CTNNA2: variants seen among roughly 807,000 people sequenced by gnomAD.
CTNNA2 encodes the protein catenin alpha-2.
CTNNA2 carries 42 observed loss-of-function variants against 101.0 expected under a neutral mutation model. That is an observed-to-expected ratio of 0.42 (90% CI 0.32 to 0.54). The LOEUF (loss-of-function observed/expected upper bound fraction) is 0.54. CTNNA2 is among the 20% of genes least tolerant of loss of function. CTNNA2 has a pLI of 0.14. For synonymous variants in CTNNA2, 450 were observed against 456.4 expected, an observed-to-expected ratio of 0.99 and a Z score of 0.18; for missense variants, 871 against 1,223.1, an observed-to-expected ratio of 0.71 and a Z score of 4.29.
chr2:79,659,488 G>T (rs1681860939), intron 2 of CTNNA2, among the ~76,000 whole-genome samples: 1 of 152,134 alleles, frequency 6.6e-6, no homozygotes, highest in Non-Finnish European at 1.5e-5. Context: ...AATTGAAATT[G>T]CATGAAAGGT....
rs147422632 is a variant in CTNNA2, at chr2:79,347,672, C to T, written c.-317-26159C>T. Among the ~76,000 whole-genome samples the T allele has an allele frequency of 6.6e-5, 10 of 152,144 alleles. No individual in the cohort carries two copies. The East Asian group carries it at 1.7e-3, about 26-fold the overall frequency. On this transcript the variant is annotated intron_variant, in intron 3 of 21. Transcript: ENST00000466387. ...ATGTACATACTGACTGGCCTCAGGT[C>T]GCATGGCTTTTAAATGCCATAATGA...
chr2:79,476,124 G>T (rs538870920), intron 4 of CTNNA2, among the ~76,000 whole-genome samples: 9 of 152,296 alleles, frequency 5.9e-5, no homozygotes, highest in Non-Finnish European at 1.3e-4. Context: ...CAAACCAGAA[G>T]TTAAAAGGCA....
chr2:79,496,520 T>C (rs1300776513), intron 4 of CTNNA2, among the ~76,000 whole-genome samples: 1 of 152,108 alleles, frequency 6.6e-6, no homozygotes, highest in Non-Finnish European at 1.5e-5. Context: ...TATAACTATG[T>C]TCTACTTCTA....
At chr2:79,508,794 A>C (rs757907560), upstream of CTNNA2, among the ~76,000 whole-genome samples, 2 of 151,700 alleles carry the variant, frequency 1.3e-5, no homozygotes, top group Non-Finnish European at 2.9e-5. Flanking sequence ...ATAGACATTA[A>C]AAAACTTGTC....
intron 17 of CTNNA2, among the ~76,000 whole-genome samples, chr2:80,614,487 G>A (rs1358248668): frequency 6.6e-6 from 1 of 151,242 alleles, no homozygotes; most frequent in East Asian, 2.0e-4. Context: ...TTGAATTCTG[G>A]TATCTGCTAG....
At chr2:79,999,500 A>G (rs1012721296) in intron 7 of CTNNA2, among the ~76,000 whole-genome samples, 1 of 152,192 alleles carries the variant, frequency 6.6e-6, no homozygotes, top group Non-Finnish European at 1.5e-5. Flanking sequence ...ATAGGCATGG[A>G]ATGGTACAAG....
At chr2:80,320,126 T>G (rs1024266451) in intron 7 of CTNNA2, among the ~76,000 whole-genome samples, 4 of 152,170 alleles carry the variant, frequency 2.6e-5, no homozygotes, top group Non-Finnish European at 5.9e-5. Context: ...GAACCTAAAT[T>G]TCTTCATCTA....
chr2:79,700,638 A>G (rs1172900347), intron 2 of CTNNA2, among the ~76,000 whole-genome samples: 2 of 152,182 alleles, frequency 1.3e-5, no homozygotes, highest in African/African-American at 4.8e-5. Flanking sequence ...GCAAGGCTAT[A>G]TTAAGGACAT....
intron 7 of CTNNA2, among the ~76,000 whole-genome samples, chr2:80,020,993 C>CTTTTTTTT (rs869061321): frequency 3.4e-5 from 3 of 89,352 alleles, no homozygotes; most frequent in East Asian, 3.4e-4. Flanking sequence ...GACCAATCAT[C>CTTTTTTTT]TTTTTTTTTT....
At chr2:80,454,081 G>A (rs1049014135) in intron 9 of CTNNA2, among the ~76,000 whole-genome samples, 3 of 152,128 alleles carry the variant, frequency 2.0e-5, no homozygotes, top group Non-Finnish European at 4.4e-5. Context: ...AAAACATTTC[G>A]AGCCCCATTC....
chr2:79,927,539 G>A (rs1236984118), intron 7 of CTNNA2, among the ~76,000 whole-genome samples: 1 of 152,182 alleles, frequency 6.6e-6, no homozygotes, highest in East Asian at 1.9e-4. Context: ...CAAGAAGATA[G>A]ATGGGAGAAG....
intron 2 of CTNNA2, among the ~76,000 whole-genome samples, chr2:79,214,579 AG>A (rs1674221325): frequency 6.6e-6 from 1 of 152,088 alleles, no homozygotes; most frequent in Non-Finnish European, 1.5e-5. Context: ...GAGCGGGGTA[AG>A]GGTGATTAGG....
intron 4 of CTNNA2, among the ~76,000 whole-genome samples, chr2:79,450,682 T>C (rs2104526645): frequency 6.6e-6 from 1 of 152,182 alleles, no homozygotes; most frequent in South Asian, 2.1e-4. Context: ...AAATGTATAA[T>C]AAACCAATTT....
At chr2:79,602,945 G>C (rs1474876743) in intron 1 of CTNNA2, among the ~76,000 whole-genome samples, 3 of 152,138 alleles carry the variant, frequency 2.0e-5, no homozygotes. Flanking sequence ...TTCATAGACT[G>C]TGGTAAGACG....
chr2:80,627,432 C>A (rs902572614), intron 18 of CTNNA2, among the ~76,000 whole-genome samples: 5 of 152,226 alleles, frequency 3.3e-5, no homozygotes, highest in African/African-American at 9.6e-5. Flanking sequence ...GATGGTATCT[C>A]ATTGTGGCTT....
rs147992791 is a variant in CTNNA2, at chr2:80,488,260, A to G, written c.1291-56722A>G. Among the ~76,000 whole-genome samples, 284 of 152,302 alleles carry G rather than the reference A, an allele frequency of 1.9e-3. 4 individuals carry two copies. The highest frequency in any genetic ancestry group is 6.4e-3 in the African/African-American group (268 of 41,570). On this transcript the variant is annotated intron_variant, in intron 9 of 18. Transcript: ENST00000402739. Reference sequence around the variant, plus strand: ...TGTTCTTGAAGCCTACTCATTTCATAAATTCATAAATTTACCAAAACTGAT... The same window carrying G: ...TGTTCTTGAAGCCTACTCATTTCATGAATTCATAAATTTACCAAAACTGAT...
intron 8 of CTNNA2, among the ~76,000 whole-genome samples, chr2:80,403,435 T>C (rs1440893073): frequency 6.6e-6 from 1 of 152,224 alleles, no homozygotes; most frequent in Non-Finnish European, 1.5e-5. Flanking sequence ...TGAATTGTGG[T>C]TGTCTTTTAG....
At position 79,215,587 on chromosome 2, in the gene CTNNA2, T is replaced by C. The variant is rs1674244424; in HGVS notation, c.-406+17511T>C. ...AAGACGACCTTTTGACCTTTTAGGG[T>C]CTAGGGCTGTAAAGTGTCTCAGGGT... On this transcript the variant is annotated intron_variant, in intron 2 of 21. Transcript: ENST00000466387. Among the ~76,000 whole-genome samples, 7 of 151,616 alleles carry C rather than the reference T, an allele frequency of 4.6e-5. No individual in the cohort carries two copies. In the South Asian group the frequency reaches 8.3e-4, roughly 18 times the overall value.
chr2:79,945,812 G>A (rs1039988832), intron 7 of CTNNA2, among the ~76,000 whole-genome samples: 3 of 152,118 alleles, frequency 2.0e-5, no homozygotes, highest in African/African-American at 7.2e-5. Context: ...AAAGTACGGG[G>A]CACCAAGAAT....
Sources: gnomAD v4.1 joint callset for allele counts (sites outside exome capture counted in the v4.1 genomes callset) on GRCh38, gnomAD v4.1.1 for gene constraint, MANE v1.5 for transcripts, NCBI Gene and HGNC (gene_info 2026-07-23, HGNC 2026-07-21) for gene names.